PTGER3: variants seen among roughly 807,000 people sequenced by gnomAD.
The protein encoded by PTGER3 is prostaglandin E receptor 3.
In PTGER3, 22 loss-of-function variants were observed where a neutral mutation model predicts 34.7. The observed-to-expected ratio is 0.63, with a 90% CI of 0.45 to 0.91. The LOEUF is 0.91. PTGER3 is among the 40% of genes least tolerant of loss of function. The pLI, the probability that PTGER3 is intolerant of heterozygous loss-of-function variation, is 0.00. For missense variants in PTGER3, 468 were observed against 519.4 expected (o/e 0.90, Z 0.96); for synonymous variants, 241 against 230.1 (o/e 1.05, Z -0.43).
At chr1:70,979,499 C>T (rs944069576) in intron 2 of PTGER3, among the ~76,000 whole-genome samples, 61 of 51,872 alleles carry the variant, frequency 1.2e-3, no homozygotes, top group African/African-American at 4.0e-3. Flanking sequence ...ATGGGTACAG[C>T]TGCACGTTAT....
downstream of PTGER3, among the ~76,000 whole-genome samples, chr1:70,966,874 T>C (rs1652579494): frequency 6.6e-6 from 1 of 152,180 alleles, no homozygotes; most frequent in African/African-American, 2.4e-5. Flanking sequence ...GTTGGTTCCA[T>C]GTCTTTGCTA....
At chr1:70,852,988 A>G (rs1202721343) in intron 4 of PTGER3, 1 of 1,066,356 alleles carries the variant, frequency 9.4e-7, no homozygotes, top group Non-Finnish European at 1.4e-6. Flanking sequence ...CACTTACAGC[A>G]GTATAACAAG....
At chr1:70,877,629 A>G (rs113322404) in intron 4 of PTGER3, among the ~76,000 whole-genome samples, 4 of 152,276 alleles carry the variant, frequency 2.6e-5, no homozygotes, top group African/African-American at 9.6e-5. Context: ...TGTTCCTCCA[A>G]TGCCAAGTTT....
chr1:70,884,950 T>A (rs1646466372), intron 4 of PTGER3, among the ~76,000 whole-genome samples: 1 of 152,226 alleles, frequency 6.6e-6, no homozygotes. Flanking sequence ...ATATTTGTTG[T>A]ATGCTTCCTT....
At chr1:71,005,226 G>A (rs1042151744) in intron 2 of PTGER3, among the ~76,000 whole-genome samples, 3 of 152,158 alleles carry the variant, frequency 2.0e-5, no homozygotes, top group Non-Finnish European at 2.9e-5. Context: ...CTGCCCTAAA[G>A]CCATGCCACT....
At chr1:70,888,677 CT>C (rs2100259255) in intron 4 of PTGER3, among the ~76,000 whole-genome samples, 1 of 152,232 alleles carries the variant, frequency 6.6e-6, no homozygotes, top group African/African-American at 2.4e-5. Flanking sequence ...CCATCTCAGG[CT>C]TTTAAATTCA....
At chr1:70,904,837 T>G (rs1384594799) in intron 4 of PTGER3, among the ~76,000 whole-genome samples, 1 of 151,998 alleles carries the variant, frequency 6.6e-6, no homozygotes, top group Non-Finnish European at 1.5e-5. Context: ...CTGCAGAAAT[T>G]TGTATAAGTA....
intron 2 of PTGER3, among the ~76,000 whole-genome samples, chr1:70,959,211 G>A (rs1651669223): frequency 6.6e-6 from 1 of 152,178 alleles, no homozygotes; most frequent in Admixed American, 6.5e-5. Context: ...TGTGAGGAAT[G>A]TCACTAGTAT....
chr1:71,024,423 G>C (rs1658698786), intron 1 of PTGER3, among the ~76,000 whole-genome samples: 1 of 151,826 alleles, frequency 6.6e-6, no homozygotes, highest in African/African-American at 2.4e-5. Flanking sequence ...TTAATTGTTG[G>C]TCTCTCTCAA....
At chr1:71,007,553 G>A in intron 2 of PTGER3, 2 of 985,298 alleles carry the variant, frequency 2.0e-6, no homozygotes, top group Non-Finnish European at 2.4e-6. Context: ...AAATGATGAA[G>A]GTTAACAGGT....
At chr1:70,852,891 A>G in intron 4 of PTGER3, 1 of 1,605,140 alleles carries the variant, frequency 6.2e-7, no homozygotes, top group East Asian at 2.2e-5. Flanking sequence ...TAGGATAGCC[A>G]ATAATAAATG....
chr1:70,968,562 G>A (rs1432062707), downstream of PTGER3, among the ~76,000 whole-genome samples: 2 of 151,944 alleles, frequency 1.3e-5, no homozygotes, highest in Non-Finnish European at 2.9e-5. Flanking sequence ...ACAACCCAGA[G>A]TATTTGAGTA....
At chr1:70,902,904 C>A (rs895039491) in intron 4 of PTGER3, among the ~76,000 whole-genome samples, 4 of 152,058 alleles carry the variant, frequency 2.6e-5, no homozygotes, top group Non-Finnish European at 5.9e-5. Flanking sequence ...GAATGCTGGC[C>A]CCCCAAAAGA....
Position 71,009,455 on chromosome 1 carries a change from C to T in PTGER3, c.1077+2850G>A, listed in dbSNP as rs1377733898. The stretch of plus-strand genomic sequence containing the variant: ...TAACTTGGTAAATATTGAGATAACT[C>T]ATTTTTGTTTCTTCAACTTCAAGAT... On this transcript the variant is annotated intron_variant, in intron 2 of 3. Transcript: ENST00000306666. The T allele has an allele frequency of 3.1e-6, 3 of 982,116 alleles. No homozygotes were observed. In the African/African-American group the frequency reaches 5.2e-5, roughly 17 times the overall value. The allele number at this position is 982,116 out of a possible 1,614,324, so 60.8% of individuals were successfully genotyped here.
chr1:70,997,761 T>G (rs1656119068), intron 2 of PTGER3, among the ~76,000 whole-genome samples: 1 of 152,186 alleles, frequency 6.6e-6, no homozygotes, highest in Non-Finnish European at 1.5e-5. Flanking sequence ...CTGAAGAGGT[T>G]GAAAGCAGAA....
At chr1:70,930,607 A>C (rs1479082770) in intron 4 of PTGER3, among the ~76,000 whole-genome samples, 1 of 152,168 alleles carries the variant, frequency 6.6e-6, no homozygotes, top group Non-Finnish European at 1.5e-5. Flanking sequence ...CAGAATCACA[A>C]TGGGAGGCAA....
intron 4 of PTGER3, among the ~76,000 whole-genome samples, chr1:70,874,821 T>C (rs1352686649): frequency 6.6e-6 from 1 of 151,874 alleles, no homozygotes; most frequent in Non-Finnish European, 1.5e-5. Flanking sequence ...ATTCATTTTA[T>C]GTTTTTTTTT....
At chr1:70,922,884 G>A (rs1312469677) in intron 4 of PTGER3, among the ~76,000 whole-genome samples, 1 of 152,150 alleles carries the variant, frequency 6.6e-6, no homozygotes, top group Non-Finnish European at 1.5e-5. Flanking sequence ...TTCTGTGTGT[G>A]AACACACTGG....
At chr1:70,861,433 C>A (rs1436082231) in intron 4 of PTGER3, among the ~76,000 whole-genome samples, 1 of 152,304 alleles carries the variant, frequency 6.6e-6, no homozygotes, top group African/African-American at 2.4e-5. Context: ...TCAACACCTG[C>A]AACACCTGCA....
Sources: gnomAD v4.1 joint callset for allele counts (sites outside exome capture counted in the v4.1 genomes callset) on GRCh38, gnomAD v4.1.1 for gene constraint, MANE v1.5 for transcripts, NCBI Gene and HGNC (gene_info 2026-07-23, HGNC 2026-07-21) for gene names.